KATNAL2: variants seen among roughly 807,000 people sequenced by gnomAD.
The protein encoded by KATNAL2 is katanin p60 ATPase-containing subunit A-like 2.
In KATNAL2, 52 loss-of-function variants were observed where a neutral mutation model predicts 76.3. That is an observed-to-expected ratio of 0.68 (90% CI 0.55 to 0.86). The LOEUF (loss-of-function observed/expected upper bound fraction) is 0.86. Among genes scored for constraint, KATNAL2 ranks in the 40% least tolerant of loss-of-function variants. The pLI, the probability that KATNAL2 is intolerant of heterozygous loss-of-function variation, is 0.00. For missense variants in KATNAL2, 660 were observed against 668.9 expected, an observed-to-expected ratio of 0.99 and a Z score of 0.15; for synonymous variants, 243 against 244.2, an observed-to-expected ratio of 1.00 and a Z score of 0.05.
intron 11 of KATNAL2, among the ~76,000 whole-genome samples, chr18:47,068,647 C>T (rs1192782107): frequency 6.6e-6 from 1 of 152,180 alleles, no homozygotes; most frequent in East Asian, 1.9e-4. Context: ...CAACCCTTGC[C>T]ACCCACATTC....
chr18:47,044,863 T>G (rs1479652121), intron 3 of KATNAL2, among the ~76,000 whole-genome samples: 4 of 152,144 alleles, frequency 2.6e-5, no homozygotes, highest in Admixed American at 6.5e-5. Context: ...GTAAGAAGAT[T>G]GCTTGAGGCC....
chr18:47,033,998 A>G (rs1402573668), intron 3 of KATNAL2: 1 of 1,613,780 alleles, frequency 6.2e-7, no homozygotes, highest in Admixed American at 1.7e-5. Context: ...GAATCCCAGG[A>G]CTCACGAGTG....
intron 3 of KATNAL2, chr18:47,022,626 G>GCCCGAGTAC: frequency 1.9e-6 from 1 of 525,978 alleles, no homozygotes; most frequent in Non-Finnish European, 2.7e-6. Flanking sequence ...GTGCGGATCG[G>GCCCGAGTAC]ATTTTCGTGG....
chr18:47,085,586 G>A (rs2062734310), intron 15 of KATNAL2, among the ~76,000 whole-genome samples: 2 of 151,968 alleles, frequency 1.3e-5, no homozygotes, highest in Admixed American at 1.3e-4. Context: ...GATGACCCAC[G>A]ACTCCACGTG....
rs376877321 is a variant in KATNAL2 at position 47,043,245 on chromosome 18, A to AAAAAAT, written c.52-3212_52-3211insAAAAAT. On this transcript the variant is annotated intron_variant, in intron 3 of 17. Transcript: ENST00000683218. ...CCGTTTCAAAAAAAAAAAAAAAAAA[A>AAAAAAT]GAGATCCTAAAAGCTTCCTGGGAAG... 6.6e-4 allele frequency among the ~76,000 whole-genome samples: 61 copies of AAAAAAT among 93,122 alleles called. 6 individuals are homozygous for AAAAAAT. The highest frequency in any genetic ancestry group is 1.5e-3 in the East Asian group (4 of 2,626). The allele number at this position is 93,122 out of a possible 152,430, so 61.1% of individuals were successfully genotyped here.
At chr18:46,929,432 G>A (rs979515760) in intron 1 of KATNAL2, among the ~76,000 whole-genome samples, 17 of 151,708 alleles carry the variant, frequency 1.1e-4, no homozygotes, top group South Asian at 2.1e-4. Flanking sequence ...TAGTAGAGAC[G>A]GAGTTTCACC....
At chr18:46,941,852 A>G (rs922853746) in intron 1 of KATNAL2, among the ~76,000 whole-genome samples, 1 of 152,176 alleles carries the variant, frequency 6.6e-6, no homozygotes, top group African/African-American at 2.4e-5. Context: ...CAGCAAGGCA[A>G]GTTACTTCTA....
intron 3 of KATNAL2, chr18:47,033,609 G>T: frequency 6.2e-7 from 1 of 1,614,190 alleles, no homozygotes. Context: ...CAAGAACCCA[G>T]TAGGGGACCT....
At chr18:47,063,506 G>A (rs1319325399) in intron 10 of KATNAL2, 145 bp downstream of exon 10, 1 of 600,438 alleles carries the variant, frequency 1.7e-6, no homozygotes, top group Non-Finnish European at 2.9e-6. Flanking sequence ...ATATTGTTTA[G>A]AGGCACAATA....
At chr18:47,053,159 C>G (rs2061383535) in intron 5 of KATNAL2, 113 bp downstream of exon 5, 4 of 848,774 alleles carry the variant, frequency 4.7e-6, no homozygotes, top group Non-Finnish European at 7.2e-6. Flanking sequence ...AAGGAGTAGG[C>G]CAGGAGGATT....
chr18:46,948,828 G>A (rs1310991732), intron 3 of KATNAL2, among the ~76,000 whole-genome samples: 1 of 151,964 alleles, frequency 6.6e-6, no homozygotes, highest in Non-Finnish European at 1.5e-5. Flanking sequence ...TAAAATATGG[G>A]TAGGACAATG....
At chr18:47,075,894 A>G (rs72903273) in intron 14 of KATNAL2, among the ~76,000 whole-genome samples, 1,761 of 152,294 alleles carry the variant, frequency 0.012, 20 homozygotes, top group Non-Finnish European at 0.019. Context: ...TATTATCTCT[A>G]AAGATTGTCA....
chr18:46,946,568 T>G (rs1201201276), intron 2 of KATNAL2, 22 bp downstream of exon 2: 1 of 985,302 alleles, frequency 1.0e-6, no homozygotes, highest in Non-Finnish European at 1.2e-6. Context: ...TGGGTCAGCT[T>G]GTATTTTAGA....
At chr18:47,046,421 T>C (rs2061158567) in intron 3 of KATNAL2, 36 bp from the exon 4 acceptor site, 2 of 1,437,834 alleles carry the variant, frequency 1.4e-6, no homozygotes, top group Non-Finnish European at 1.9e-6. Flanking sequence ...GTGTTATTTT[T>C]TGTTGTCATC....
intron 3 of KATNAL2, chr18:47,033,380 C>G (rs760200331): frequency 1.2e-6 from 2 of 1,614,170 alleles, no homozygotes; most frequent in Non-Finnish European, 8.5e-7. Flanking sequence ...TTTCCACGTG[C>G]AGATCGGATA....
At chr18:46,939,169 G>A (rs1248797840) in intron 1 of KATNAL2, among the ~76,000 whole-genome samples, 1 of 151,916 alleles carries the variant, frequency 6.6e-6, no homozygotes, top group Non-Finnish European at 1.5e-5. Context: ...GTGAAACCCC[G>A]TCTCTACTAA....
At chr18:47,061,825 C>A (rs1349703061) in intron 8 of KATNAL2, among the ~76,000 whole-genome samples, 1 of 152,024 alleles carries the variant, frequency 6.6e-6, no homozygotes, top group Non-Finnish European at 1.5e-5. Context: ...GCAGTGCTAG[C>A]ACATAGTAAA....
Position 47,101,087 on chromosome 18 carries a change from T to A in KATNAL2, c.*82T>A. 1 of 1,497,456 alleles carries A rather than the reference T, an allele frequency of 6.7e-7. No homozygotes were observed. Among genetic ancestry groups the A allele is most frequent in the Non-Finnish European group, 9.2e-7 (1 of 1,086,932 alleles). 92.8% of individuals were successfully genotyped at this position (1,497,456 alleles called of 1,614,324 possible). Reference sequence around the variant, plus strand: ...TAATGTCCGTGGGAGAACAAAATGATTGGAATGGAAAAGAGAAAATTATTT... The same window carrying A: ...TAATGTCCGTGGGAGAACAAAATGAATGGAATGGAAAAGAGAAAATTATTT... On this transcript the variant is annotated 3_prime_UTR_variant, in exon 18 of 18. Transcript: ENST00000683218.
Position 47,058,251 on chromosome 18 carries a change from T to G in KATNAL2, c.349T>G (p.Cys117Gly). 6.2e-7 allele frequency: 1 copy of G among 1,613,348 alleles called. No individual in the cohort carries two copies. The highest frequency in any genetic ancestry group is 8.5e-7 in the Non-Finnish European group (1 of 1,179,284). ...GKTRRMMNDSCQNLPKINQQR... is the reference protein window; with the variant it reads ...GKTRRMMNDSGQNLPKINQQR... ...CTCCCTTAGGATGATGAACGACAGT[T>G]GTCAAAATCTTCCCAAGATCAATCA... Residue 117 changes from cysteine to glycine, a missense_variant, in exon 7 of 18, where the codon TGT becomes GGT. By Grantham distance (159) the Cys-to-Gly change is radical. Coordinates refer to ENST00000683218, the MANE Select transcript of KATNAL2 (RefSeq NM_001387690.1).
Sources: allele counts gnomAD v4.1 joint callset (sites outside exome capture counted in the v4.1 genomes callset), GRCh38; gene constraint gnomAD v4.1.1; transcripts MANE v1.5; gene names NCBI Gene and HGNC (gene_info 2026-07-23, HGNC 2026-07-21).